Variants in PLCB1 observed in about 807,000 individuals in gnomAD.
PLCB1 encodes the protein phospholipase C beta 1.
PLCB1 carries 46 observed loss-of-function variants against 161.8 expected under a neutral mutation model. The ratio of observed to expected loss-of-function variants is 0.28; its 90% CI spans 0.22 to 0.36. PLCB1 has a LOEUF of 0.36. Among genes scored for constraint, PLCB1 ranks in the 10% least tolerant of loss-of-function variants. PLCB1 has a pLI of 1.00. For synonymous variants in PLCB1, 517 were observed against 503.7 expected (o/e 1.03, Z -0.35); for missense variants, 1,016 against 1,472.5 (o/e 0.69, Z 5.07).
At chr20:8,681,111 T>TAAA (rs1398085124) in intron 9 of PLCB1, among the ~76,000 whole-genome samples, 18 of 111,486 alleles carry the variant, frequency 1.6e-4, no homozygotes, top group African/African-American at 7.5e-4. Flanking sequence ...TATATATATA[T>TAAA]ATATATATAA....
chr20:8,198,176 G>GT (rs2052049239), intron 2 of PLCB1, among the ~76,000 whole-genome samples: 1 of 152,132 alleles, frequency 6.6e-6, no homozygotes, highest in African/African-American at 2.4e-5. Context: ...CTTTAAAGTA[G>GT]TTTTTTCCAA....
intron 31 of PLCB1, among the ~76,000 whole-genome samples, chr20:8,873,990 A>T (rs937680200): frequency 2.0e-5 from 3 of 152,192 alleles, no homozygotes; most frequent in East Asian, 1.9e-4. Context: ...GTGTTAAAAG[A>T]CTATAAGGAA....
chr20:8,432,117 C>T (rs959816346), intron 3 of PLCB1, among the ~76,000 whole-genome samples: 7 of 152,104 alleles, frequency 4.6e-5, no homozygotes, highest in African/African-American at 1.4e-4. Flanking sequence ...GTCCTTATCA[C>T]ATGGCCACGA....
chr20:8,476,391 G>T (rs554491292), intron 3 of PLCB1, among the ~76,000 whole-genome samples: 1 of 152,270 alleles, frequency 6.6e-6, no homozygotes, highest in African/African-American at 2.4e-5. Context: ...TGATCACCTT[G>T]AAGAATATGT....
intron 3 of PLCB1, among the ~76,000 whole-genome samples, chr20:8,616,012 G>A (rs1988031968): frequency 6.6e-6 from 1 of 152,104 alleles, no homozygotes; most frequent in Non-Finnish European, 1.5e-5. Flanking sequence ...CAGTTACGCA[G>A]TTCAGAAACC....
chr20:8,150,950 G>A (rs536275691), intron 2 of PLCB1, among the ~76,000 whole-genome samples: 53 of 152,276 alleles, frequency 3.5e-4, no homozygotes, highest in African/African-American at 1.2e-3. Flanking sequence ...TATCTCATTT[G>A]TTATGAAGCC....
chr20:8,158,237 TG>T (rs1412398256), intron 2 of PLCB1, among the ~76,000 whole-genome samples: 1 of 152,226 alleles, frequency 6.6e-6, no homozygotes, highest in Non-Finnish European at 1.5e-5. Flanking sequence ...TACTTGGTAT[TG>T]ATATAATGCC....
chr20:8,792,468 G>A (rs182865181), intron 31 of PLCB1: 51 of 459,288 alleles, frequency 1.1e-4, no homozygotes, highest in African/African-American at 6.2e-4. Flanking sequence ...TACAGTGTAC[G>A]TTACAGCCAT....
intron 3 of PLCB1, among the ~76,000 whole-genome samples, chr20:8,412,437 A>G (rs1489575374): frequency 6.6e-6 from 1 of 152,206 alleles, no homozygotes; most frequent in Non-Finnish European, 1.5e-5. Context: ...ACAAGAAAAC[A>G]TCATTTTCCT....
intron 4 of PLCB1, 116 bp downstream of exon 4, chr20:8,628,547 C>A: frequency 1.9e-6 from 2 of 1,055,396 alleles, no homozygotes; most frequent in Non-Finnish European, 2.8e-6. Flanking sequence ...TAAAATTTCA[C>A]CTAAAAATAA....
At chr20:8,242,915 G>C (rs1980694435) in intron 2 of PLCB1, among the ~76,000 whole-genome samples, 1 of 151,956 alleles carries the variant, frequency 6.6e-6, no homozygotes, top group Non-Finnish European at 1.5e-5. Context: ...GGGGTGTGCA[G>C]AGTGAATTGG....
chr20:8,757,765 T>C (rs1288254197), intron 24 of PLCB1, among the ~76,000 whole-genome samples: 2 of 152,104 alleles, frequency 1.3e-5, no homozygotes, highest in Admixed American at 6.6e-5. Context: ...AGAGTGACCT[T>C]AGGCCTGATG....
chr20:8,784,845 A>G (rs1241356261), intron 27 of PLCB1, among the ~76,000 whole-genome samples: 1 of 152,146 alleles, frequency 6.6e-6, no homozygotes, highest in East Asian at 1.9e-4. Flanking sequence ...TATAATTTTA[A>G]AAGTATTTCC....
intron 4 of PLCB1, among the ~76,000 whole-genome samples, chr20:8,635,055 C>CA (rs1466931605): frequency 6.6e-6 from 1 of 152,036 alleles, no homozygotes; most frequent in Non-Finnish European, 1.5e-5. Context: ...ATGCATAGCC[C>CA]ATTGTTCTTT....
At chr20:8,446,349 A>C (rs227137) in intron 3 of PLCB1, among the ~76,000 whole-genome samples, 49,631 of 152,016 alleles carry the variant, frequency 0.33, 8,454 homozygotes, top group Non-Finnish European at 0.37. Context: ...CCTTTGACAC[A>C]ATTCAACAAC....
intron 4 of PLCB1, among the ~76,000 whole-genome samples, chr20:8,642,943 A>C (rs1989002600): frequency 6.6e-6 from 1 of 152,234 alleles, no homozygotes; most frequent in Non-Finnish European, 1.5e-5. Flanking sequence ...CCAGAAACAT[A>C]TTTTTGAAAC....
chr20:8,270,946 A>G lies in PLCB1; in HGVS notation c.178-100436A>G, dbSNP rs1027785895. Among the ~76,000 whole-genome samples the G allele has an allele frequency of 2.0e-4, 31 of 152,268 alleles. 1 individual carries two copies. Among genetic ancestry groups the G allele is most frequent in the South Asian group, 2.1e-4 (1 of 4,828 alleles). On this transcript the variant is annotated intron_variant, in intron 2 of 31. Transcript: ENST00000338037. ...CTTGTACCCCTTTTGCTGATAGAGC[A>G]AAACAAACCTACGCAAATATGGAAG...
chr20:8,874,133 T>C (rs1987697356), intron 31 of PLCB1, among the ~76,000 whole-genome samples: 1 of 151,956 alleles, frequency 6.6e-6, no homozygotes, highest in Non-Finnish European at 1.5e-5. Context: ...ATTTAATTAC[T>C]CCATGTTGTA....
intron 3 of PLCB1, among the ~76,000 whole-genome samples, chr20:8,610,108 T>A (rs1329287509): frequency 6.6e-6 from 1 of 152,166 alleles, no homozygotes; most frequent in Non-Finnish European, 1.5e-5. Context: ...TCTGTCTCTA[T>A]GTGTTTAACT....
Sources: allele counts gnomAD v4.1 joint callset (sites outside exome capture counted in the v4.1 genomes callset), GRCh38; gene constraint gnomAD v4.1.1; transcripts MANE v1.5; gene names NCBI Gene and HGNC (gene_info 2026-07-23, HGNC 2026-07-21).